Variants in LRRC40 observed in about 807,000 individuals in gnomAD.
The protein encoded by LRRC40 is leucine rich repeat containing 40, also known as leucine-rich repeat-containing protein 40.
LRRC40 carries 76 observed loss-of-function variants against 72.8 expected under a neutral mutation model. The observed-to-expected ratio is 1.04, with a 90% CI of 0.87 to 1.26. The LOEUF is 1.26. Ranked by LOEUF, LRRC40 falls within the 50% of genes most tolerant of loss-of-function variation. LRRC40 has a pLI of 0.00. For synonymous variants in LRRC40, 243 were observed against 254.2 expected (o/e 0.96, Z 0.42); for missense variants, 684 against 698.9 (o/e 0.98, Z 0.24).
intron 6 of LRRC40, among the ~76,000 whole-genome samples, chr1:70,176,816 T>TA (rs569375227): frequency 6.6e-6 from 1 of 151,554 alleles, no homozygotes; most frequent in African/African-American, 2.4e-5. Context: ...ATTTAAAAAA[T>TA]AAAAAAAAGT....
intron 1 of LRRC40, among the ~76,000 whole-genome samples, chr1:70,197,336 G>A (rs918635308): frequency 1.3e-5 from 2 of 151,722 alleles, no homozygotes; most frequent in African/African-American, 4.8e-5. Context: ...GGAGTACAGT[G>A]GTGTGATCAT....
At chr1:70,160,113 CTT>C (rs941676810) in intron 9 of LRRC40, among the ~76,000 whole-genome samples, 4 of 152,092 alleles carry the variant, frequency 2.6e-5, no homozygotes, top group Non-Finnish European at 5.9e-5. Context: ...AAAGAAATGG[CTT>C]TGTGTTATTT....
rs747639975 is a variant in LRRC40 at position 70,205,560 on chromosome 1, G to A, written c.-20C>T. The A allele has an allele frequency of 7.6e-6, 12 of 1,573,986 alleles. No individual in the cohort carries two copies. Among genetic ancestry groups the A allele is most frequent in the Non-Finnish European group, 9.6e-6 (11 of 1,149,772 alleles). On this transcript the variant is annotated 5_prime_UTR_variant, in exon 1 of 15. Transcript: ENST00000370952. ...CGACATGTTCAAAGTCCTAGGTCCA[G>A]AAGCTGCAGCCCCACCCGTGACGCT...
intron 9 of LRRC40, among the ~76,000 whole-genome samples, chr1:70,169,197 C>T (rs1324181010): frequency 2.6e-5 from 4 of 152,130 alleles, no homozygotes; most frequent in African/African-American, 9.7e-5. Flanking sequence ...GCAGCAAGAC[C>T]TCGTTCCACA....
At chr1:70,150,686 C>T (rs374170839) in intron 13 of LRRC40, among the ~76,000 whole-genome samples, 5 of 152,126 alleles carry the variant, frequency 3.3e-5, no homozygotes, top group African/African-American at 1.2e-4. Context: ...TTGAAGTTTC[C>T]CAGACACCCC....
intron 2 of LRRC40, among the ~76,000 whole-genome samples, chr1:70,188,474 G>A (rs1191536580): frequency 2.0e-5 from 3 of 152,098 alleles, no homozygotes; most frequent in South Asian, 4.2e-4. Flanking sequence ...AGTAGCTCAC[G>A]CCTGTAATCC....
At chr1:70,164,012 C>T (rs576586899) in intron 9 of LRRC40, among the ~76,000 whole-genome samples, 3 of 152,214 alleles carry the variant, frequency 2.0e-5, no homozygotes, top group East Asian at 1.9e-4. Flanking sequence ...CTGGTGGGGG[C>T]GCTCTTGCTG....
intron 9 of LRRC40, 85 bp from the exon 10 acceptor site, chr1:70,159,523 C>T (rs900962309): frequency 2.7e-5 from 15 of 549,160 alleles, no homozygotes; most frequent in South Asian, 1.0e-4. Flanking sequence ...AAACAGTGTA[C>T]GTGATTTCTA....
At chr1:70,167,737 C>G (rs988860870) in intron 9 of LRRC40, among the ~76,000 whole-genome samples, 4 of 151,134 alleles carry the variant, frequency 2.6e-5, no homozygotes, top group Non-Finnish European at 5.9e-5. Flanking sequence ...GTCTCAGCCT[C>G]CTGAGTAGCT....
chr1:70,160,286 T>C (rs765072996), intron 9 of LRRC40, among the ~76,000 whole-genome samples: 59 of 152,166 alleles, frequency 3.9e-4, no homozygotes, highest in Non-Finnish European at 5.3e-4. Flanking sequence ...TTCAGCCCAG[T>C]AGGCATTCAA....
At chr1:70,173,322 T>C (rs1558118882) in intron 9 of LRRC40, 143 bp downstream of exon 9, 1 of 623,586 alleles carries the variant, frequency 1.6e-6, no homozygotes. Context: ...TTACAGACTA[T>C]ATGGATTTAG....
intron 9 of LRRC40, among the ~76,000 whole-genome samples, chr1:70,169,544 T>C (rs139490382): frequency 4.1e-4 from 62 of 152,222 alleles, no homozygotes; most frequent in Admixed American, 1.4e-3. Context: ...CTGACTAATA[T>C]CCAGCTAGTG....
In LRRC40 at chr1:70,181,104, C is replaced by A; in HGVS notation, c.643G>T (p.Glu215Ter). ...TATTTACTTTTCATTCTATTTATTT[C>A]TGCTGGCAAACTCTTCAGTTCATTA... ...SSNELKSLPA[E>*]INRMKRLKHL... is the part of the protein sequence containing the mutation. The change falls in exon 5 of 15, where the codon GAA becomes TAA. Residue 215 changes from glutamate to a stop codon, truncating the protein, a stop_gained. Transcript: ENST00000370952. LOFTEE classifies it high-confidence loss of function. 1 of 1,548,570 alleles carries A rather than the reference C, an allele frequency of 6.5e-7. No homozygotes were observed.
intron 11 of LRRC40, among the ~76,000 whole-genome samples, chr1:70,153,233 G>A (rs778750689): frequency 6.6e-6 from 1 of 151,732 alleles, no homozygotes; most frequent in Non-Finnish European, 1.5e-5. Context: ...ATGGTGGCGG[G>A]CACCTGTAAT....
At position 70,205,551 on chromosome 1, in the gene LRRC40, C is replaced by T; in HGVS notation, c.-11G>A. The T allele has an allele frequency of 2.5e-6, 4 of 1,583,968 alleles. No individual in the cohort carries two copies. The highest frequency in any genetic ancestry group is 3.5e-6 in the Non-Finnish European group (4 of 1,156,752). The stretch of plus-strand genomic sequence containing the variant: ...CTTCAGGCGCGACATGTTCAAAGTC[C>T]TAGGTCCAGAAGCTGCAGCCCCACC... On this transcript the variant is annotated 5_prime_UTR_variant, in exon 1 of 15. Transcript: ENST00000370952.
intron 11 of LRRC40, 128 bp from the exon 12 acceptor site, chr1:70,152,671 C>A: frequency 1.6e-6 from 1 of 636,990 alleles, no homozygotes; most frequent in Non-Finnish European, 2.8e-6. Flanking sequence ...GTACCTTTTA[C>A]TTTTTCACAG....
intron 9 of LRRC40, among the ~76,000 whole-genome samples, chr1:70,167,241 A>G (rs562326069): frequency 5.9e-5 from 9 of 151,778 alleles, no homozygotes; most frequent in African/African-American, 7.2e-5. Context: ...AAAAAAAAAA[A>G]AAAAAAGAAA....
chr1:70,192,894 C>A (rs762163576), intron 1 of LRRC40, among the ~76,000 whole-genome samples: 1 of 151,932 alleles, frequency 6.6e-6, no homozygotes, highest in Non-Finnish European at 1.5e-5. Flanking sequence ...ACAAAGTAAT[C>A]TGTATAACGA....
chr1:70,197,062 C>T (rs934115636), intron 1 of LRRC40, among the ~76,000 whole-genome samples: 16 of 152,244 alleles, frequency 1.1e-4, no homozygotes, highest in African/African-American at 3.9e-4. Context: ...CGTAAATGCC[C>T]TACGTTGGCA....
Sources: allele counts gnomAD v4.1 joint callset (sites outside exome capture counted in the v4.1 genomes callset), GRCh38; gene constraint gnomAD v4.1.1; transcripts MANE v1.5; gene names NCBI Gene and HGNC (gene_info 2026-07-23, HGNC 2026-07-21).